Variants in DHX8 observed in about 807,000 individuals in gnomAD.
The protein encoded by DHX8 is ATP-dependent RNA helicase DHX8.
Under a neutral mutation model 140.7 loss-of-function variants are expected in DHX8, and 67 were observed. The observed-to-expected ratio is 0.48, with a 90% CI of 0.39 to 0.58. The LOEUF is 0.58. DHX8 is among the 20% of genes least tolerant of loss of function. The pLI is 0.00. For missense variants in DHX8, 887 were observed against 1,550.7 expected, an observed-to-expected ratio of 0.57 and a Z score of 7.19; for synonymous variants, 533 against 553.2, an observed-to-expected ratio of 0.96 and a Z score of 0.51.
rs1447861793 is a variant in DHX8 at position 43,492,240 on chromosome 17, G to A, written c.451G>A (p.Ala151Thr). Residue 151 changes from alanine to threonine, a missense_variant, in exon 5 of 23, where the codon GCT becomes ACT. This residue lies in a region of DHX8 where 304 missense variants were observed against 306.9 expected (regional missense o/e 0.99). Coordinates refer to ENST00000262415, the MANE Select transcript of DHX8 (RefSeq NM_004941.3). ...VAVDVLKELE[A>T]LMPSAAGQEK... The stretch of plus-strand genomic sequence containing the variant: ...TGTGGATGTCCTGAAAGAACTGGAA[G>A]CTTTAATGCCCAGCGCAGCAGGCCA... The A allele has an allele frequency of 5.6e-6, 9 of 1,614,026 alleles. No homozygotes were observed. The Admixed American group carries it at 1.3e-4, about 24-fold the overall frequency.
chr17:43,543,928 G>A (rs932775445), intron 3 of DHX8: 4 of 151,950 alleles, frequency 2.6e-5, no homozygotes, highest in African/African-American at 4.8e-5. Flanking sequence ...TTTTTACTCC[G>A]AGCTTCTATG....
downstream of DHX8, chr17:43,529,852 T>A (rs371814669): frequency 1.2e-5 from 19 of 1,611,988 alleles, no homozygotes; most frequent in Non-Finnish European, 1.4e-5. Flanking sequence ...TGATAAGACC[T>A]TGACCCTCCC....
downstream of DHX8, chr17:43,529,221 C>T (rs887096121): frequency 6.2e-7 from 1 of 1,613,918 alleles, no homozygotes; most frequent in Admixed American, 1.7e-5. Flanking sequence ...TTCTGGATGC[C>T]CCAGAGCCTG....
At chr17:43,528,379 G>C (rs1288277478), downstream of DHX8, 2 of 616,458 alleles carry the variant, frequency 3.2e-6, no homozygotes, top group Non-Finnish European at 5.6e-6. Flanking sequence ...TCAGAGTCTG[G>C]GCTAGGGCAA....
At chr17:43,528,734 C>T, downstream of DHX8, 1 of 1,613,940 alleles carries the variant, frequency 6.2e-7, no homozygotes, top group Non-Finnish European at 8.5e-7. Flanking sequence ...ACGTAACGCT[C>T]ACCAGCCACC....
chr17:43,519,673 T>C (rs1970277108), intron 18 of DHX8: 1 of 154,782 alleles, frequency 6.5e-6, no homozygotes, highest in Non-Finnish European at 1.4e-5. Flanking sequence ...TCAAAAAGTT[T>C]CCTGAGAAAT....
intron 17 of DHX8, among the ~76,000 whole-genome samples, chr17:43,515,881 T>C (rs1029974897): frequency 7.9e-5 from 12 of 152,202 alleles, no homozygotes; most frequent in African/African-American, 2.9e-4. Flanking sequence ...TTGTAAATCC[T>C]GGTACTGTTT....
chr17:43,508,147 G>T, intron 15 of DHX8, 128 bp downstream of exon 15: 1 of 1,148,414 alleles, frequency 8.7e-7, no homozygotes, highest in African/African-American at 1.6e-5. Flanking sequence ...CTCTCTGCAA[G>T]CCTCAGGCTT....
chr17:43,516,832 A>G (rs1458707018), intron 17 of DHX8, among the ~76,000 whole-genome samples: 1 of 152,194 alleles, frequency 6.6e-6, no homozygotes, highest in Non-Finnish European at 1.5e-5. Context: ...ATTTTTGGTC[A>G]TAACTGTGGG....
rs114522502 is a variant in DHX8 at position 43,515,963 on chromosome 17, G to A, written c.2644-1204G>A. The stretch of plus-strand genomic sequence containing the variant: ...ATTCATTGTTTCCTAGCAACCTATG[G>A]CTAAACTACATTTTTTTTAATTAAA... On this transcript the variant is annotated intron_variant, in intron 17 of 22. Coordinates refer to ENST00000262415, the MANE Select transcript of DHX8 (RefSeq NM_004941.3). Among the ~76,000 whole-genome samples the A allele has an allele frequency of 6.2e-3, 944 of 151,902 alleles. 11 individuals are homozygous for A. The highest frequency in any genetic ancestry group is 0.022 in the African/African-American group (912 of 41,360).
At position 43,513,358 on chromosome 17, in the gene DHX8, G is replaced by T. The variant is rs1969947907; in HGVS notation, c.2503-4G>T. 6.2e-7 allele frequency: 1 copy of T among 1,612,120 alleles called. No individual in the cohort carries two copies. The highest frequency in any genetic ancestry group is 1.7e-5 in the Admixed American group (1 of 59,774). The stretch of plus-strand genomic sequence containing the variant: ...CACTCCAGCTTTGCCCCTCTTGCCT[G>T]CAGGTTGTGATTGCCACCAATATCG... On this transcript the variant is annotated splice_polypyrimidine_tract_variant and splice_region_variant and intron_variant, in intron 16 of 22. Coordinates refer to ENST00000262415, the MANE Select transcript of DHX8 (RefSeq NM_004941.3).
chr17:43,498,674 C>G (rs1241559627), intron 9 of DHX8, among the ~76,000 whole-genome samples, 188 bp from the exon 10 acceptor site: 3 of 152,102 alleles, frequency 2.0e-5, no homozygotes, highest in Non-Finnish European at 4.4e-5. Context: ...ATCTCAAACT[C>G]TTGACCTCAA....
intron 11 of DHX8, among the ~76,000 whole-genome samples, chr17:43,500,867 C>T (rs976249328): frequency 1.3e-5 from 2 of 151,812 alleles, no homozygotes; most frequent in African/African-American, 2.4e-5. Flanking sequence ...GCCAAGATCG[C>T]GCCACTGCAC....
Position 43,524,724 on chromosome 17 carries a change from A to T in DHX8, c.*877A>T. ...TAAGTAACAACACAGCTTTTATTTT[A>T]TTTTGTTTTTATTTTTTTCCCCTGA... On this transcript the variant is annotated 3_prime_UTR_variant, in exon 23 of 23. Coordinates refer to ENST00000262415, the MANE Select transcript of DHX8 (RefSeq NM_004941.3). 1 of 985,316 alleles carries T rather than the reference A, an allele frequency of 1.0e-6. No individual in the cohort carries two copies. The highest frequency in any genetic ancestry group is 1.7e-5 in the African/African-American group (1 of 57,316). 61.0% of individuals were successfully genotyped at this position (985,316 alleles called of 1,614,324 possible). A position where few individuals can be genotyped will look rare whatever the true frequency, so the allele number is the denominator to read the frequency against.
chr17:43,526,421 C>G (rs577389357), downstream of DHX8: 13 of 1,529,222 alleles, frequency 8.5e-6, no homozygotes, highest in East Asian at 3.2e-4. Flanking sequence ...AGCTCCGCAG[C>G]TGGGTCAGGC....
intron 2 of DHX8, among the ~76,000 whole-genome samples, chr17:43,532,376 G>A (rs1299701595): frequency 1.3e-5 from 2 of 152,062 alleles, no homozygotes; most frequent in Non-Finnish European, 2.9e-5. Context: ...GCTGGTGCCT[G>A]TAATCCCAGG....
At chr17:43,498,446 C>T (rs1177533490) in intron 9 of DHX8, among the ~76,000 whole-genome samples, 1 of 147,964 alleles carries the variant, frequency 6.8e-6, no homozygotes, top group African/African-American at 2.5e-5. Context: ...TGCACCCGGC[C>T]TTTTTTTTCT....
downstream of DHX8, chr17:43,528,584 C>T (rs758397885): frequency 1.4e-5 from 22 of 1,613,870 alleles, no homozygotes; most frequent in Admixed American, 1.0e-4. Context: ...GGGAGGTAGG[C>T]GGGGCTCTCA....
chr17:43,530,964 G>A (rs1046427976), downstream of DHX8, among the ~76,000 whole-genome samples: 1 of 152,132 alleles, frequency 6.6e-6, no homozygotes, highest in Non-Finnish European at 1.5e-5. Flanking sequence ...GCTGGGGGGA[G>A]GGGCAGGAGT....
Sources: allele counts gnomAD v4.1 joint callset (sites outside exome capture counted in the v4.1 genomes callset), GRCh38; gene constraint gnomAD v4.1.1; regional missense constraint gnomAD v4.1.1; transcripts MANE v1.5; gene names NCBI Gene and HGNC (gene_info 2026-07-23, HGNC 2026-07-21).